TENM2: variants seen among roughly 807,000 people sequenced by gnomAD.
The protein encoded by TENM2 is teneurin-2.
Under a neutral mutation model 245.2 loss-of-function variants are expected in TENM2, and 52 were observed. The ratio of observed to expected loss-of-function variants is 0.21; its 90% CI spans 0.17 to 0.27. The LOEUF is 0.27. Among genes scored for constraint, TENM2 ranks in the 10% least tolerant of loss-of-function variants. The pLI is 1.00. For synonymous variants in TENM2, 1,363 were observed against 1,438.9 expected, an observed-to-expected ratio of 0.95 and a Z score of 1.19; for missense variants, 3,046 against 3,666.8, an observed-to-expected ratio of 0.83 and a Z score of 4.37.
intron 2 of TENM2, among the ~76,000 whole-genome samples, chr5:167,775,889 AC>A (rs1248226386): frequency 6.6e-6 from 1 of 152,148 alleles, no homozygotes; most frequent in Non-Finnish European, 1.5e-5. Flanking sequence ...TATCATGGTG[AC>A]TGGCAGCTAC....
At position 168,262,709 on chromosome 5, in the gene TENM2, T is replaced by C. The variant is rs547793415; in HGVS notation, c.8224T>C (p.Tyr2742His). The C allele has an allele frequency of 8.1e-6, 13 of 1,611,010 alleles. No homozygotes were observed. The highest frequency in any genetic ancestry group is 5.3e-5 in the African/African-American group (4 of 75,004). Reference sequence around the variant, plus strand: ...TCTGAGCACCGGGCGCGTGCAAGGGTACGAGGGATATTACGTGCTTCCCGT... The same window carrying C: ...TCTGAGCACCGGGCGCGTGCAAGGGCACGAGGGATATTACGTGCTTCCCGT... The change falls in exon 29 of 29, where the codon TAC becomes CAC. Residue 2742 changes from tyrosine (Y) to histidine (H), a missense_variant. This residue lies in a region of TENM2 where 2,704 missense variants were observed against 3,331.9 expected (regional missense o/e 0.81). Coordinates refer to ENST00000518659, the Ensembl canonical transcript of TENM2.
At chr5:167,159,031 C>G in the TENM2 span, among the ~76,000 whole-genome samples, 681 of 151,198 alleles carry the variant, frequency 4.5e-3, 6 homozygotes, top group African/African-American at 0.015. Context: ...CAGCTCACTG[C>G]CACCTCCGCC....
chr5:166,984,979 G>C, the TENM2 span, among the ~76,000 whole-genome samples: 1 of 151,910 alleles, frequency 6.6e-6, no homozygotes, highest in African/African-American at 2.4e-5. Flanking sequence ...GACAGGCCAC[G>C]TACTGAGCTA....
At chr5:167,570,024 G>A (rs953474382) in intron 2 of TENM2, among the ~76,000 whole-genome samples, 1 of 152,126 alleles carries the variant, frequency 6.6e-6, no homozygotes, top group African/African-American at 2.4e-5. Context: ...AACCTGTCCT[G>A]GTCTCTGATA....
chr5:167,422,865 A>C (rs773078472), intron 2 of TENM2, among the ~76,000 whole-genome samples: 12 of 152,152 alleles, frequency 7.9e-5, no homozygotes, highest in Non-Finnish European at 1.8e-4. Context: ...AAGTCTAGAA[A>C]GATTTGTTCA....
chr5:167,503,289 A>G (rs1266789819), intron 2 of TENM2, among the ~76,000 whole-genome samples: 4 of 152,222 alleles, frequency 2.6e-5, no homozygotes, highest in African/African-American at 9.6e-5. Flanking sequence ...AAAGCCATTA[A>G]TATTATGCTG....
the TENM2 span, among the ~76,000 whole-genome samples, chr5:167,038,264 C>T: frequency 1.8e-3 from 276 of 152,336 alleles, 2 homozygotes; most frequent in Non-Finnish European, 2.9e-3. Context: ...CAGTGCTAGT[C>T]ACACGAGGTC....
At chr5:167,908,686 CCT>C (rs1425857644) in intron 3 of TENM2, among the ~76,000 whole-genome samples, 3 of 145,546 alleles carry the variant, frequency 2.1e-5, no homozygotes, top group Admixed American at 7.1e-5. Flanking sequence ...TTTCTCTCTC[CCT>C]CTCTGTTTCC....
chr5:167,034,649 A>AAG, the TENM2 span, among the ~76,000 whole-genome samples: 2 of 150,558 alleles, frequency 1.3e-5, no homozygotes, highest in Non-Finnish European at 3.0e-5. Flanking sequence ...AAAAAAAAAA[A>AAG]AAAAGAAAAT....
At chr5:167,076,981 A>G in the TENM2 span, among the ~76,000 whole-genome samples, 28 of 152,134 alleles carry the variant, frequency 1.8e-4, no homozygotes, top group Admixed American at 3.3e-4. Flanking sequence ...ATGCACCACC[A>G]TACCCAGCCA....
intron 2 of TENM2, among the ~76,000 whole-genome samples, chr5:167,600,727 T>G (rs1334612767): frequency 6.6e-6 from 1 of 152,196 alleles, no homozygotes; most frequent in African/African-American, 2.4e-5. Context: ...CAAGTAGATG[T>G]CAACACAATT....
At chr5:167,886,932 G>A (rs1774336370) in intron 3 of TENM2, among the ~76,000 whole-genome samples, 1 of 152,190 alleles carries the variant, frequency 6.6e-6, no homozygotes, top group Admixed American at 6.5e-5. Flanking sequence ...CAAACCCACA[G>A]ATGGGTCTGT....
chr5:167,624,685 C>G (rs1164990551), intron 2 of TENM2, among the ~76,000 whole-genome samples: 1 of 152,170 alleles, frequency 6.6e-6, no homozygotes, highest in Admixed American at 6.5e-5. Context: ...TTCTCATCCA[C>G]TTAAAAGCTG....
At chr5:167,454,426 TAAAA>T (rs1351526483) in intron 2 of TENM2, among the ~76,000 whole-genome samples, 1 of 149,776 alleles carries the variant, frequency 6.7e-6, no homozygotes, top group Admixed American at 6.7e-5. Context: ...AAAACAGAGT[TAAAA>T]AAATAATGGC....
At chr5:168,022,917 C>T (rs1351090755) in intron 5 of TENM2, among the ~76,000 whole-genome samples, 1 of 152,142 alleles carries the variant, frequency 6.6e-6, no homozygotes, top group East Asian at 1.9e-4. Flanking sequence ...TGTTCCATGT[C>T]CATCTCGCCT....
intron 2 of TENM2, among the ~76,000 whole-genome samples, chr5:167,848,108 C>A (rs189626079): frequency 2.6e-5 from 4 of 152,234 alleles, no homozygotes; most frequent in East Asian, 3.9e-4. Flanking sequence ...ATAACAGAGC[C>A]CTGTGGTACA....
chr5:168,210,898 C>A (rs1220680824), intron 19 of TENM2, among the ~76,000 whole-genome samples: 1 of 152,188 alleles, frequency 6.6e-6, no homozygotes, highest in East Asian at 1.9e-4. Context: ...CGTCAATTTT[C>A]AGCCACAATT....
At chr5:167,636,398 A>G (rs1295394159) in intron 2 of TENM2, among the ~76,000 whole-genome samples, 1 of 152,202 alleles carries the variant, frequency 6.6e-6, no homozygotes, top group Non-Finnish European at 1.5e-5. Context: ...GATAATTTCC[A>G]TGTTTTACTT....
chr5:168,142,245 A>G (rs1429147390), intron 12 of TENM2, among the ~76,000 whole-genome samples: 5 of 152,224 alleles, frequency 3.3e-5, no homozygotes, highest in Admixed American at 1.3e-4. Flanking sequence ...GGCCCTGCTC[A>G]GGCTTCAGAA....
Sources: allele counts gnomAD v4.1 joint callset (sites outside exome capture counted in the v4.1 genomes callset), GRCh38; gene constraint gnomAD v4.1.1; regional missense constraint gnomAD v4.1.1; transcripts MANE v1.5; gene names NCBI Gene and HGNC (gene_info 2026-07-23, HGNC 2026-07-21).